The following GALNT14 variants were observed in gnomAD, a reference collection of about 807,000 sequenced individuals.
GALNT14 encodes polypeptide N-acetylgalactosaminyltransferase 14, also known as UDP-GalNAc:polypeptide N-acetylgalactosaminyltransferase 14.
A neutral mutation model predicts 77.5 loss-of-function variants in GALNT14; 60 were observed. The observed-to-expected ratio is 0.77, with a 90% CI of 0.63 to 0.96. GALNT14 has a LOEUF of 0.96. GALNT14 is among the 40% of genes least tolerant of loss of function. The pLI is 0.00. For missense variants in GALNT14, 710 were observed against 731.0 expected (o/e 0.97, Z 0.33); for synonymous variants, 280 against 281.7 (o/e 0.99, Z 0.06).
At chr2:30,908,290 A>G (rs1558391901), downstream of GALNT14, among the ~76,000 whole-genome samples, 1 of 152,236 alleles carries the variant, frequency 6.6e-6, no homozygotes. Flanking sequence ...TGCAGATGAC[A>G]TGATTGTATA....
intron 6 of GALNT14, among the ~76,000 whole-genome samples, chr2:30,949,804 C>T (rs74748034): frequency 0.058 from 8,888 of 152,268 alleles, 884 homozygotes; most frequent in African/African-American, 0.2. Context: ...ACCTCACAGT[C>T]TAGAGAAGGC....
At position 30,910,921 on chromosome 2, in the gene GALNT14, A is replaced by T. The variant is rs767426919; in HGVS notation, c.1639T>A (p.Trp547Arg). 1.1e-5 allele frequency: 18 copies of T among 1,613,138 alleles called. No individual in the cohort carries two copies. The highest frequency in any genetic ancestry group is 1.5e-5 in the Non-Finnish European group (18 of 1,179,910). The change falls in exon 15 of 15, where the codon TGG (tryptophan) becomes AGG (arginine). Residue 547 changes from tryptophan to arginine, a missense_variant. Trp to Arg is a moderately radical substitution (Grantham distance 101). Transcript: ENST00000349752. ...PCESSLMSQH[W>R]DMVSS Reference sequence around the variant, plus strand: ...GGTCCTCAAGAGCTCACCATGTCCCAGTGCTGGCTCATGAGTGAGGACTCA... The same window carrying T: ...GGTCCTCAAGAGCTCACCATGTCCCTGTGCTGGCTCATGAGTGAGGACTCA...
At chr2:31,074,359 C>T (rs1231337697) in intron 1 of GALNT14, among the ~76,000 whole-genome samples, 4 of 152,168 alleles carry the variant, frequency 2.6e-5, no homozygotes, top group Non-Finnish European at 5.9e-5. Context: ...AGTCCATATG[C>T]AGCGCTAGGC....
intron 11 of GALNT14, among the ~76,000 whole-genome samples, chr2:30,926,200 C>T (rs17010480): frequency 0.22 from 33,448 of 152,018 alleles, 3,851 homozygotes; most frequent in East Asian, 0.39. Flanking sequence ...TTAGCAAGGG[C>T]CTGTGTGCTC....
At chr2:31,008,524 TC>T (rs937258582) in intron 1 of GALNT14, among the ~76,000 whole-genome samples, 67 of 152,068 alleles carry the variant, frequency 4.4e-4, no homozygotes, top group African/African-American at 1.6e-3. Flanking sequence ...ACTAAATGGC[TC>T]CCCCCAGCCT....
chr2:30,888,982 A>T, the GALNT14 span, among the ~76,000 whole-genome samples: 1 of 146,650 alleles, frequency 6.8e-6, no homozygotes, highest in Non-Finnish European at 1.5e-5. Flanking sequence ...CAGTGTAATT[A>T]CTTACAGGAT....
At position 31,041,449 on chromosome 2, in the gene GALNT14, C is replaced by A. The variant is rs74693904; in HGVS notation, c.130-48442G>T. Among the ~76,000 whole-genome samples the A allele has an allele frequency of 2.7e-3, 417 of 152,206 alleles. 2 individuals are homozygous for A. Among genetic ancestry groups the A allele is most frequent in the African/African-American group, 9.7e-3 (404 of 41,528 alleles). ...GAATGGGGTGGTCTGAGGGGCACTG[C>A]AGGCCAGGGGAGATGAAGATACAGG... On this transcript the variant is annotated intron_variant, in intron 1 of 14. Transcript: ENST00000349752.
chr2:31,043,450 C>T (rs1673225463), intron 1 of GALNT14, among the ~76,000 whole-genome samples: 1 of 152,134 alleles, frequency 6.6e-6, no homozygotes, highest in Admixed American at 6.5e-5. Flanking sequence ...AGGTAGGAAT[C>T]AGTTAATGAA....
At chr2:30,904,901 C>T in the GALNT14 span, among the ~76,000 whole-genome samples, 1 of 151,886 alleles carries the variant, frequency 6.6e-6, no homozygotes, top group Non-Finnish European at 1.5e-5. Flanking sequence ...GGGTCCCTGA[C>T]CCCTGACCCC....
intron 1 of GALNT14, among the ~76,000 whole-genome samples, chr2:31,003,205 T>C (rs1356559724): frequency 1.3e-5 from 2 of 152,220 alleles, no homozygotes; most frequent in Non-Finnish European, 2.9e-5. Flanking sequence ...ATTAAGCAAT[T>C]GCTCCTTCAA....
chr2:31,073,006 A>G (rs1261109720), intron 1 of GALNT14: 1 of 152,210 alleles, frequency 6.6e-6, no homozygotes, highest in African/African-American at 2.4e-5. Context: ...GGCACAGGCA[A>G]TCTTTACAGG....
chr2:30,969,845 C>A (rs376268465), intron 2 of GALNT14, among the ~76,000 whole-genome samples: 3 of 152,188 alleles, frequency 2.0e-5, no homozygotes, highest in Non-Finnish European at 4.4e-5. Flanking sequence ...CTGCTAAATG[C>A]TCTCACAGCA....
At chr2:30,968,811 A>G (rs1668168148) in intron 2 of GALNT14, among the ~76,000 whole-genome samples, 1 of 152,234 alleles carries the variant, frequency 6.6e-6, no homozygotes, top group African/African-American at 2.4e-5. Context: ...TTAGATAAGC[A>G]GTAGAAAAAG....
chr2:30,967,907 A>C (rs12617790), intron 2 of GALNT14, among the ~76,000 whole-genome samples: 2 of 151,934 alleles, frequency 1.3e-5, no homozygotes, highest in African/African-American at 2.4e-5. Flanking sequence ...ATGACTCTCC[A>C]CCATTGCTCA....
intron 2 of GALNT14, among the ~76,000 whole-genome samples, chr2:30,976,626 T>C (rs201269056): frequency 0.023 from 3,468 of 151,854 alleles, 145 homozygotes; most frequent in East Asian, 0.21. Flanking sequence ...TGTGTATGTG[T>C]GTGTGTGTGT....
intron 1 of GALNT14, among the ~76,000 whole-genome samples, chr2:31,085,889 C>T (rs1334773098): frequency 6.6e-6 from 1 of 152,148 alleles, no homozygotes; most frequent in African/African-American, 2.4e-5. Context: ...CACAATCATG[C>T]AGAAGGCAAA....
At chr2:30,941,443 G>A (rs905711464) in intron 9 of GALNT14, among the ~76,000 whole-genome samples, 1 of 152,152 alleles carries the variant, frequency 6.6e-6, no homozygotes, top group African/African-American at 2.4e-5. Flanking sequence ...TTACTTCAAT[G>A]GCTTTTAACA....
intron 8 of GALNT14, among the ~76,000 whole-genome samples, chr2:30,943,038 C>T (rs1272735374): frequency 6.6e-6 from 1 of 152,142 alleles, no homozygotes; most frequent in Non-Finnish European, 1.5e-5. Context: ...AAGACATGGC[C>T]ATCTACCGGC....
intron 13 of GALNT14, among the ~76,000 whole-genome samples, chr2:30,919,266 A>G (rs1433614009): frequency 2.6e-5 from 4 of 152,188 alleles, no homozygotes; most frequent in Non-Finnish European, 5.9e-5. Context: ...CACCTAAGGC[A>G]TCAGTTTTCT....
Sources: gnomAD v4.1 joint callset for allele counts (sites outside exome capture counted in the v4.1 genomes callset) on GRCh38, gnomAD v4.1.1 for gene constraint, MANE v1.5 for transcripts, NCBI Gene and HGNC (gene_info 2026-07-23, HGNC 2026-07-21) for gene names.